The following LRRC4C variants were observed in gnomAD, a reference collection of about 807,000 sequenced individuals.
LRRC4C encodes leucine rich repeat containing 4C, also known as leucine-rich repeat-containing protein 4C.
LRRC4C carries 5 observed loss-of-function variants against 33.6 expected under a neutral mutation model. The ratio of observed to expected loss-of-function variants is 0.15; its 90% confidence interval spans 0.08 to 0.31. The LOEUF is 0.31. Ranked by LOEUF, LRRC4C falls within the 10% of genes least tolerant of loss-of-function variation. LRRC4C has a pLI of 1.00. For synonymous variants in LRRC4C, 329 were observed against 302.0 expected (o/e 1.09, Z -0.93); for missense variants, 560 against 796.7 (o/e 0.70, Z 3.58).
chr11:40,734,500 T>C (rs1947756309), intron 2 of LRRC4C, among the ~76,000 whole-genome samples: 1 of 152,102 alleles, frequency 6.6e-6, no homozygotes. Context: ...GCTACACAGG[T>C]TGGCAAATTT....
At chr11:40,433,265 A>T (rs1951007756) in intron 3 of LRRC4C, among the ~76,000 whole-genome samples, 1 of 141,718 alleles carries the variant, frequency 7.1e-6, no homozygotes, top group Non-Finnish European at 1.5e-5. Context: ...CAACTGTTCT[A>T]TATTATGTTT....
intron 1 of LRRC4C, among the ~76,000 whole-genome samples, chr11:41,093,887 C>G (rs1393757111): frequency 7.7e-6 from 1 of 130,712 alleles, no homozygotes; most frequent in Non-Finnish European, 1.6e-5. Flanking sequence ...GTCAGGAGAT[C>G]GAGACCATCC....
chr11:40,234,302 T>G (rs1187692286), intron 5 of LRRC4C, among the ~76,000 whole-genome samples: 1 of 152,182 alleles, frequency 6.6e-6, no homozygotes, highest in Non-Finnish European at 1.5e-5. Context: ...TTATCACTAT[T>G]TCCAATTTAT....
chr11:40,159,051 T>C (rs1858942359), intron 5 of LRRC4C, among the ~76,000 whole-genome samples: 1 of 152,162 alleles, frequency 6.6e-6, no homozygotes, highest in Non-Finnish European at 1.5e-5. Context: ...GGATTGTAAT[T>C]ATACTACACT....
chr11:40,922,796 T>C (rs544197306), intron 2 of LRRC4C, among the ~76,000 whole-genome samples: 1 of 152,310 alleles, frequency 6.6e-6, no homozygotes, highest in East Asian at 1.9e-4. Flanking sequence ...TTGGGTAGTA[T>C]AGGTGAAGTG....
intron 2 of LRRC4C, among the ~76,000 whole-genome samples, chr11:40,838,875 C>T (rs1952794094): frequency 1.3e-5 from 2 of 151,914 alleles, no homozygotes; most frequent in South Asian, 2.1e-4. Context: ...TCCCTCATCC[C>T]TAATTCCGTC....
chr11:41,428,938 C>G (rs924656236), intron 1 of LRRC4C, among the ~76,000 whole-genome samples: 3 of 152,090 alleles, frequency 2.0e-5, no homozygotes, highest in African/African-American at 7.2e-5. Flanking sequence ...GGTAAAACAT[C>G]TACACAGAGT....
intron 2 of LRRC4C, among the ~76,000 whole-genome samples, chr11:40,739,970 C>T (rs964634234): frequency 1.3e-5 from 2 of 151,348 alleles, no homozygotes; most frequent in Non-Finnish European, 2.9e-5. Flanking sequence ...ATAATATATG[C>T]ATATACAAAA....
chr11:40,477,776 G>C (rs1375600309), intron 3 of LRRC4C, among the ~76,000 whole-genome samples: 1 of 152,106 alleles, frequency 6.6e-6, no homozygotes, highest in Non-Finnish European at 1.5e-5. Flanking sequence ...AATATCTGGG[G>C]AAATGGATTT....
chr11:40,615,238 T>TATATATATA (rs1961653233), intron 3 of LRRC4C, among the ~76,000 whole-genome samples: 1 of 88,146 alleles, frequency 1.1e-5, no homozygotes, highest in Non-Finnish European at 2.5e-5. Flanking sequence ...TTGATTTATT[T>TATATATATA]TATATATATA....
At chr11:40,222,233 T>G (rs1015193603) in intron 5 of LRRC4C, among the ~76,000 whole-genome samples, 1 of 152,144 alleles carries the variant, frequency 6.6e-6, no homozygotes, top group Non-Finnish European at 1.5e-5. Context: ...TATCCTTCCT[T>G]TTAGTCACCT....
At chr11:40,733,705 T>G (rs1253514018) in intron 2 of LRRC4C, among the ~76,000 whole-genome samples, 1 of 152,208 alleles carries the variant, frequency 6.6e-6, no homozygotes, top group East Asian at 1.9e-4. Flanking sequence ...CCTTGCCCAC[T>G]AATGTAGTAG....
intron 5 of LRRC4C, among the ~76,000 whole-genome samples, chr11:40,189,376 G>A (rs955526307): frequency 6.6e-6 from 1 of 151,788 alleles, no homozygotes; most frequent in African/African-American, 2.4e-5. Context: ...GTTGTGTTTT[G>A]GCCTTACATA....
At chr11:40,220,562 G>A (rs76990523) in intron 5 of LRRC4C, among the ~76,000 whole-genome samples, 9,087 of 152,062 alleles carry the variant, frequency 0.06, 878 homozygotes, top group African/African-American at 0.21. Flanking sequence ...TGTCAATACT[G>A]TACAGAATCA....
intron 3 of LRRC4C, among the ~76,000 whole-genome samples, chr11:40,603,845 C>T (rs912217522): frequency 6.6e-6 from 1 of 152,062 alleles, no homozygotes; most frequent in Non-Finnish European, 1.5e-5. Flanking sequence ...TATAAGAAGA[C>T]ATAAAAATTA....
intron 1 of LRRC4C, among the ~76,000 whole-genome samples, chr11:41,046,927 G>T (rs888804018): frequency 1.3e-5 from 2 of 152,046 alleles, no homozygotes; most frequent in African/African-American, 4.8e-5. Flanking sequence ...TCTGAAGGAA[G>T]GTGTACATCT....
At chr11:40,720,623 C>A (rs1946963427) in intron 2 of LRRC4C, among the ~76,000 whole-genome samples, 1 of 152,146 alleles carries the variant, frequency 6.6e-6, no homozygotes, top group Non-Finnish European at 1.5e-5. Flanking sequence ...TCTTCACCTT[C>A]CAGGTAGCTA....
intron 3 of LRRC4C, among the ~76,000 whole-genome samples, chr11:40,380,765 A>T (rs1263217352): frequency 6.6e-6 from 1 of 152,200 alleles, no homozygotes; most frequent in Non-Finnish European, 1.5e-5. Context: ...TCTTGAAATC[A>T]TTGGATTCTA....
chr11:40,942,265 G>A (rs1958186939), intron 1 of LRRC4C, among the ~76,000 whole-genome samples: 1 of 152,144 alleles, frequency 6.6e-6, no homozygotes, highest in Non-Finnish European at 1.5e-5. Context: ...AAATCTAGCA[G>A]CAAAAGACCC....
Sources: allele counts gnomAD v4.1 joint callset (sites outside exome capture counted in the v4.1 genomes callset), GRCh38; gene constraint gnomAD v4.1.1; transcripts MANE v1.5; gene names NCBI Gene and HGNC (gene_info 2026-07-23, HGNC 2026-07-21).